HCN1: variants seen among roughly 807,000 people sequenced by gnomAD.
HCN1 encodes potassium/sodium hyperpolarization-activated cyclic nucleotide-gated channel 1.
A neutral mutation model predicts 78.9 loss-of-function variants in HCN1; 13 were observed. The ratio of observed to expected loss-of-function variants is 0.16; its 90% CI spans 0.11 to 0.26. The LOEUF (loss-of-function observed/expected upper bound fraction) is 0.26. Ranked by LOEUF, HCN1 falls within the 10% of genes least tolerant of loss-of-function variation. The probability of loss-of-function intolerance (pLI) is 1.00; values close to 1 mark genes in which losing one functional copy is unlikely to be tolerated. For missense variants in HCN1, 810 were observed against 1,154.3 expected (o/e 0.70, Z 4.32); for synonymous variants, 552 against 455.5 (o/e 1.21, Z -2.70).
chr5:45,497,239 T>C (rs960005393), intron 2 of HCN1, among the ~76,000 whole-genome samples: 3 of 152,132 alleles, frequency 2.0e-5, no homozygotes, highest in Admixed American at 6.5e-5. Context: ...AGAGCTGAGT[T>C]CAATTCCTGG....
intron 2 of HCN1, among the ~76,000 whole-genome samples, chr5:45,564,776 C>T (rs555574885): frequency 3.9e-4 from 59 of 152,046 alleles, no homozygotes; most frequent in Admixed American, 2.2e-3. Context: ...AAGGAATAAT[C>T]GCAAATAAAG....
At chr5:45,534,534 T>C (rs1163573509) in intron 2 of HCN1, among the ~76,000 whole-genome samples, 2 of 150,234 alleles carry the variant, frequency 1.3e-5, no homozygotes, top group African/African-American at 2.5e-5. Flanking sequence ...AAGTGTATAA[T>C]GTCATAACTA....
At chr5:45,405,521 C>T (rs999711791) in intron 3 of HCN1, among the ~76,000 whole-genome samples, 1 of 152,076 alleles carries the variant, frequency 6.6e-6, no homozygotes, top group African/African-American at 2.4e-5. Context: ...GACCCTCCTG[C>T]TTCAACCTCC....
chr5:45,480,502 A>C (rs1314136567), intron 2 of HCN1, among the ~76,000 whole-genome samples: 3 of 152,180 alleles, frequency 2.0e-5, no homozygotes, highest in Non-Finnish European at 4.4e-5. Context: ...TTTATATAAA[A>C]GGCTGTCAGC....
chr5:45,442,624 T>TAAAAACAATAAAAACA lies in HCN1; in HGVS notation c.1011+19221_1011+19222insTGTTTTTATTGTTTTT, dbSNP rs1261594582. On this transcript the variant is annotated intron_variant, in intron 3 of 7. Transcript: ENST00000303230. ...TACCATATATAAAATATAATGGCAT[T>TAAAAACAATAAAAACA]TACAATAAAAAACATCTGAATATTC... Among the ~76,000 whole-genome samples the TAAAAACAATAAAAACA allele has an allele frequency of 5.7e-3, 866 of 152,060 alleles. 7 individuals carry two copies. Among genetic ancestry groups the TAAAAACAATAAAAACA allele is most frequent in the Non-Finnish European group, 8.1e-3 (552 of 67,918 alleles).
At chr5:45,311,530 C>T (rs1357380419) in intron 5 of HCN1, among the ~76,000 whole-genome samples, 2 of 152,032 alleles carry the variant, frequency 1.3e-5, no homozygotes, top group Non-Finnish European at 2.9e-5. Flanking sequence ...CATAAACACC[C>T]ATGCAGAAAT....
At chr5:45,635,470 C>T (rs544899294) in intron 2 of HCN1, among the ~76,000 whole-genome samples, 33 of 152,156 alleles carry the variant, frequency 2.2e-4, no homozygotes, top group African/African-American at 7.2e-4. Flanking sequence ...AAAATAGCTA[C>T]CATTCCTTTA....
Position 45,399,451 on chromosome 5 carries a change from A to C in HCN1, c.1012-2741T>G, listed in dbSNP as rs536011771. ...AGTTTCAAGATGGCAGGAGCAGAAC[A>C]TTAAACCAAGCACAGGGTTCTTTTG... On this transcript the variant is annotated intron_variant, in intron 3 of 7. Transcript: ENST00000303230. Among the ~76,000 whole-genome samples the C allele has an allele frequency of 1.1e-4, 17 of 152,366 alleles. No homozygotes were observed. The South Asian group carries it at 3.5e-3, about 32-fold the overall frequency.
chr5:45,693,878 TTAATATTGAACCTGGTAC>T (rs1395603535), intron 1 of HCN1, among the ~76,000 whole-genome samples: 2 of 152,344 alleles, frequency 1.3e-5, no homozygotes, highest in East Asian at 3.9e-4. Context: ...TTTTTGCATG[TTAATATTGAACCTGGTAC>T]ATTTCTGGAA....
At chr5:45,502,447 G>A (rs1291536425) in intron 2 of HCN1, among the ~76,000 whole-genome samples, 2 of 151,968 alleles carry the variant, frequency 1.3e-5, no homozygotes, top group African/African-American at 2.4e-5. Context: ...CAAGAAATAC[G>A]AATTCCAACT....
chr5:45,262,656 G>A lies in HCN1; in HGVS notation c.1938C>T (p.Thr646=), dbSNP rs1327256369. 3.1e-6 allele frequency: 5 copies of A among 1,613,904 alleles called. No individual in the cohort carries two copies. The African/African-American group carries it at 6.7e-5, about 22-fold the overall frequency. Residue 646 remains threonine, a synonymous_variant, in exon 8 of 8, where the codon ACC becomes ACT. Transcript: ENST00000303230. ...TCGTAGTAGACGATGTGGAATTCAG[G>A]GTTGTCATTTGAGGATAATTGATGG... The part of the protein sequence containing the change: ...IAPINYPQMT[T]LNSTSSTTTP...
rs111246236 is a variant in HCN1, at chr5:45,298,733, A to C, written c.1618+4866T>G. 1.4e-3 allele frequency among the ~76,000 whole-genome samples: 206 copies of C among 152,128 alleles called. 2 individuals are homozygous for C. Among genetic ancestry groups the C allele is most frequent in the African/African-American group, 4.8e-3 (200 of 41,536 alleles). On this transcript the variant is annotated intron_variant, in intron 6 of 7. Transcript: ENST00000303230. ...TTTATGTCATACGTGGCCTTTAAGG[A>C]AGTGGAACAATACTCCCCGCTCCTT...
chr5:45,374,186 T>C (rs1221954095), intron 4 of HCN1, among the ~76,000 whole-genome samples: 3 of 106,124 alleles, frequency 2.8e-5, no homozygotes, highest in Non-Finnish European at 3.8e-5. Context: ...TATTATATAT[T>C]ATATACATTA....
chr5:45,529,092 T>G (rs1742791864), intron 2 of HCN1, among the ~76,000 whole-genome samples: 1 of 152,040 alleles, frequency 6.6e-6, no homozygotes, highest in South Asian at 2.1e-4. Context: ...TAATGCTTTT[T>G]AAAGTTCTCA....
chr5:45,600,147 A>C (rs906724384), intron 2 of HCN1, among the ~76,000 whole-genome samples: 2 of 151,708 alleles, frequency 1.3e-5, no homozygotes, highest in African/African-American at 4.8e-5. Context: ...ATAATCTCCC[A>C]ATTTTAGGCT....
chr5:45,550,213 C>T (rs1056386445), intron 2 of HCN1, among the ~76,000 whole-genome samples: 1 of 152,124 alleles, frequency 6.6e-6, no homozygotes, highest in Non-Finnish European at 1.5e-5. Flanking sequence ...TTTATTGCGG[C>T]ACTATTCACA....
At chr5:45,304,396 C>A (rs770995391) in intron 5 of HCN1, among the ~76,000 whole-genome samples, 1 of 151,656 alleles carries the variant, frequency 6.6e-6, no homozygotes, top group African/African-American at 2.4e-5. Context: ...AGTATAAATT[C>A]ATCAGGTGCA....
chr5:45,350,606 G>C (rs1441507745), intron 5 of HCN1, among the ~76,000 whole-genome samples: 1 of 151,410 alleles, frequency 6.6e-6, no homozygotes, highest in Non-Finnish European at 1.5e-5. Context: ...CAGATGACAT[G>C]ATTGTATATC....
intron 5 of HCN1, among the ~76,000 whole-genome samples, chr5:45,352,623 G>A (rs1253661657): frequency 6.6e-6 from 1 of 151,998 alleles, no homozygotes; most frequent in Non-Finnish European, 1.5e-5. Flanking sequence ...CAGATTTCTA[G>A]GGAGGAACAG....
Sources: gnomAD v4.1 joint callset for allele counts (sites outside exome capture counted in the v4.1 genomes callset) on GRCh38, gnomAD v4.1.1 for gene constraint, MANE v1.5 for transcripts, NCBI Gene and HGNC (gene_info 2026-07-23, HGNC 2026-07-21) for gene names.